CNTN5: variants seen among roughly 807,000 people sequenced by gnomAD.
CNTN5 encodes the protein contactin-5.
In CNTN5, 77 loss-of-function variants were observed where a neutral mutation model predicts 129.1. That is an observed-to-expected ratio of 0.60 (90% confidence interval 0.50 to 0.72). The LOEUF (loss-of-function observed/expected upper bound fraction) is 0.72, where lower values mean the gene tolerates loss of function less well. CNTN5 is among the 30% of genes least tolerant of loss of function. The pLI, the probability that CNTN5 is intolerant of heterozygous loss-of-function variation, is 0.00. For missense variants in CNTN5, 1,478 were observed against 1,328.8 expected (o/e 1.11, Z -1.75); for synonymous variants, 509 against 465.6 (o/e 1.09, Z -1.20).
chr11:99,276,764 CT>C (rs1271405646), intron 1 of CNTN5, among the ~76,000 whole-genome samples: 11 of 151,306 alleles, frequency 7.3e-5, no homozygotes, highest in Non-Finnish European at 1.6e-4. Context: ...TATATACACA[CT>C]TTTCACAAAT....
intron 2 of CNTN5, among the ~76,000 whole-genome samples, chr11:99,529,140 C>A (rs182418988): frequency 1.3e-5 from 2 of 152,128 alleles, no homozygotes; most frequent in African/African-American, 2.4e-5. Context: ...AGAAAGAGAC[C>A]AATTCACCTT....
intron 8 of CNTN5, among the ~76,000 whole-genome samples, chr11:99,975,936 A>G (rs996250876): frequency 6.6e-6 from 1 of 152,204 alleles, no homozygotes; most frequent in Non-Finnish European, 1.5e-5. Context: ...CCAAAGTCTC[A>G]TCTGAGACAA....
intron 21 of CNTN5, among the ~76,000 whole-genome samples, chr11:100,324,157 C>A (rs1326242912): frequency 6.6e-6 from 1 of 152,056 alleles, no homozygotes; most frequent in Admixed American, 6.5e-5. Flanking sequence ...ATTCAAGTTG[C>A]CCTGAATATA....
chr11:99,655,126 T>A (rs1952305229), intron 3 of CNTN5, among the ~76,000 whole-genome samples: 2 of 151,930 alleles, frequency 1.3e-5, no homozygotes, highest in Admixed American at 6.6e-5. Flanking sequence ...TAGGTAGAAT[T>A]TGGGGTCTTC....
intron 3 of CNTN5, among the ~76,000 whole-genome samples, chr11:99,736,680 T>A (rs1943721934): frequency 6.6e-6 from 1 of 152,112 alleles, no homozygotes; most frequent in Admixed American, 6.6e-5. Flanking sequence ...AAGTGTGAAA[T>A]TAATAGTAGA....
intron 16 of CNTN5, among the ~76,000 whole-genome samples, chr11:100,232,193 G>A (rs1041260329): frequency 2.0e-5 from 3 of 152,044 alleles, no homozygotes; most frequent in African/African-American, 4.8e-5. Flanking sequence ...TGAAGCATAG[G>A]AAGGGGAAAA....
chr11:99,212,449 C>T (rs919749485), intron 1 of CNTN5, among the ~76,000 whole-genome samples: 1 of 152,154 alleles, frequency 6.6e-6, no homozygotes, highest in Admixed American at 6.6e-5. Context: ...CCTACACTTT[C>T]CTTGCACGTC....
At chr11:100,093,268 A>C (rs1404988036) in intron 13 of CNTN5, among the ~76,000 whole-genome samples, 1 of 151,904 alleles carries the variant, frequency 6.6e-6, no homozygotes, top group Non-Finnish European at 1.5e-5. Flanking sequence ...CTTCTGAAAA[A>C]TGCACTTTTT....
intron 1 of CNTN5, among the ~76,000 whole-genome samples, chr11:99,262,627 G>A (rs555179920): frequency 2.4e-4 from 32 of 133,694 alleles, no homozygotes; most frequent in African/African-American, 8.7e-4. Flanking sequence ...TCTTTTTTTT[G>A]CTTCATTATA....
chr11:100,202,819 T>A (rs1006140791), intron 15 of CNTN5, among the ~76,000 whole-genome samples: 3 of 151,972 alleles, frequency 2.0e-5, no homozygotes, highest in African/African-American at 7.2e-5. Flanking sequence ...AGGTCCTCCC[T>A]AATGAAGACC....
chr11:99,396,072 C>G (rs181451232), intron 2 of CNTN5, among the ~76,000 whole-genome samples: 24 of 151,734 alleles, frequency 1.6e-4, no homozygotes, highest in African/African-American at 5.8e-4. Flanking sequence ...TTCTCTAGTT[C>G]TGTGAAATAT....
chr11:99,032,466 G>A (rs933647475), intron 1 of CNTN5, among the ~76,000 whole-genome samples: 4 of 149,614 alleles, frequency 2.7e-5, no homozygotes, highest in Admixed American at 1.3e-4. Context: ...ATTCTAACTG[G>A]TGTGAGATGG....
chr11:99,763,396 A>G (rs1944652367), intron 3 of CNTN5, among the ~76,000 whole-genome samples: 1 of 152,142 alleles, frequency 6.6e-6, no homozygotes, highest in African/African-American at 2.4e-5. Flanking sequence ...TAACTCATGT[A>G]AGCTGTAACT....
chr11:99,254,222 A>G (rs1862262848), intron 1 of CNTN5, among the ~76,000 whole-genome samples: 1 of 151,842 alleles, frequency 6.6e-6, no homozygotes, highest in East Asian at 1.9e-4. Flanking sequence ...GGAGAGATGA[A>G]CAGGTATGGA....
At chr11:100,030,947 A>G (rs1941678134) in intron 9 of CNTN5, among the ~76,000 whole-genome samples, 1 of 152,178 alleles carries the variant, frequency 6.6e-6, no homozygotes, top group Admixed American at 6.5e-5. Flanking sequence ...ATTAAGGTCT[A>G]AATAGATATT....
chr11:99,350,207 C>T (rs1938195168), intron 2 of CNTN5, among the ~76,000 whole-genome samples: 1 of 151,784 alleles, frequency 6.6e-6, no homozygotes, highest in South Asian at 2.1e-4. Flanking sequence ...TTTTTTTCAC[C>T]TTTTAATAAT....
intron 13 of CNTN5, among the ~76,000 whole-genome samples, chr11:100,152,162 C>T (rs1402604993): frequency 2.0e-5 from 3 of 152,138 alleles, no homozygotes; most frequent in East Asian, 1.9e-4. Flanking sequence ...ACTTCTACAG[C>T]GACTCATTTG....
intron 2 of CNTN5, among the ~76,000 whole-genome samples, chr11:99,351,094 C>T (rs1369780488): frequency 6.6e-6 from 1 of 151,964 alleles, no homozygotes; most frequent in Non-Finnish European, 1.5e-5. Context: ...GTGCAGCAAA[C>T]CACCATGGCA....
intron 6 of CNTN5, among the ~76,000 whole-genome samples, chr11:99,864,738 G>A (rs1948309385): frequency 6.6e-6 from 1 of 152,086 alleles, no homozygotes; most frequent in Non-Finnish European, 1.5e-5. Context: ...GGAGTTTTTG[G>A]GGATTTGATA....
Sources: gnomAD v4.1 joint callset for allele counts (sites outside exome capture counted in the v4.1 genomes callset) on GRCh38, gnomAD v4.1.1 for gene constraint, MANE v1.5 for transcripts, NCBI Gene and HGNC (gene_info 2026-07-23, HGNC 2026-07-21) for gene names.